The following GALNTL6 variants were observed in gnomAD, a reference collection of about 807,000 sequenced individuals.
The protein encoded by GALNTL6 is polypeptide N-acetylgalactosaminyltransferase-like 6.
In GALNTL6, 46 loss-of-function variants were observed where a neutral mutation model predicts 73.7. That is an observed-to-expected ratio of 0.62 (90% CI 0.49 to 0.80). The LOEUF (loss-of-function observed/expected upper bound fraction) is 0.80. Ranked by LOEUF, GALNTL6 falls within the 30% of genes least tolerant of loss-of-function variation. The pLI, the probability that GALNTL6 is intolerant of heterozygous loss-of-function variation, is 0.00. For synonymous variants in GALNTL6, 259 were observed against 263.7 expected (o/e 0.98, Z 0.17); for missense variants, 604 against 755.0 (o/e 0.80, Z 2.34).
intron 5 of GALNTL6, among the ~76,000 whole-genome samples, chr4:172,805,497 T>C (rs1412582050): frequency 6.6e-6 from 1 of 152,166 alleles, no homozygotes; most frequent in Admixed American, 6.5e-5. Context: ...TTTTTCCATA[T>C]CATCAGGATA....
intron 2 of GALNTL6, among the ~76,000 whole-genome samples, chr4:172,053,856 C>T (rs897447124): frequency 6.6e-6 from 1 of 151,978 alleles, no homozygotes; most frequent in Non-Finnish European, 1.5e-5. Flanking sequence ...TAAATTTTAT[C>T]TTTTGAAGTT....
intron 5 of GALNTL6, among the ~76,000 whole-genome samples, chr4:172,438,265 C>G (rs1731707770): frequency 6.6e-6 from 1 of 152,210 alleles, no homozygotes; most frequent in East Asian, 1.9e-4. Flanking sequence ...GACTTCCACT[C>G]ACCTTCAGGC....
At chr4:172,764,784 G>T (rs1450143313) in intron 5 of GALNTL6, among the ~76,000 whole-genome samples, 2 of 152,048 alleles carry the variant, frequency 1.3e-5, no homozygotes, top group Non-Finnish European at 2.9e-5. Flanking sequence ...TATCTTATAT[G>T]TACTCCTGTA....
chr4:172,295,627 T>C (rs551275963), intron 3 of GALNTL6, among the ~76,000 whole-genome samples: 231 of 150,540 alleles, frequency 1.5e-3, no homozygotes, highest in African/African-American at 5.3e-3. Flanking sequence ...GCTATGTTCT[T>C]ATTCATTAAT....
chr4:172,825,078 T>TTTTCTTTCTTTCTTTCTTTC (rs70944424), intron 7 of GALNTL6, among the ~76,000 whole-genome samples: 13 of 105,636 alleles, frequency 1.2e-4, no homozygotes, highest in Admixed American at 4.2e-4. Flanking sequence ...TTTGGTTATC[T>TTTTCTTTCTTTCTTTCTTTC]TTTCTTTCTT....
chr4:171,931,720 TAAG>T (rs994462620), intron 2 of GALNTL6, among the ~76,000 whole-genome samples: 2 of 152,202 alleles, frequency 1.3e-5, no homozygotes, highest in African/African-American at 4.8e-5. Flanking sequence ...ACATGATAGT[TAAG>T]AGGATGAAAA....
chr4:172,101,934 G>A (rs888378336), intron 2 of GALNTL6, among the ~76,000 whole-genome samples: 1 of 151,916 alleles, frequency 6.6e-6, no homozygotes, highest in Admixed American at 6.6e-5. Context: ...AAAAAGAATA[G>A]ACAATACTGA....
intron 5 of GALNTL6, among the ~76,000 whole-genome samples, chr4:172,542,929 A>G (rs927033154): frequency 1.4e-5 from 2 of 143,600 alleles, no homozygotes; most frequent in Non-Finnish European, 1.5e-5. Flanking sequence ...TGTCTCTACT[A>G]AAAAAAAAAA....
intron 3 of GALNTL6, among the ~76,000 whole-genome samples, chr4:172,303,261 G>T (rs1052845504): frequency 6.6e-6 from 1 of 152,124 alleles, no homozygotes; most frequent in Non-Finnish European, 1.5e-5. Flanking sequence ...GCCTCCCAAA[G>T]TGCTGGGATT....
chr4:172,906,067 C>CA (rs1429511953), intron 8 of GALNTL6, among the ~76,000 whole-genome samples: 2 of 152,208 alleles, frequency 1.3e-5, no homozygotes, highest in African/African-American at 4.8e-5. Flanking sequence ...TTGCTTGAAA[C>CA]AATAGCAACA....
intron 2 of GALNTL6, among the ~76,000 whole-genome samples, chr4:171,829,885 A>C (rs1734921747): frequency 6.6e-6 from 1 of 152,076 alleles, no homozygotes; most frequent in East Asian, 1.9e-4. Flanking sequence ...AAATGTAATT[A>C]ATTTGAAGAT....
chr4:172,501,028 G>A lies in GALNTL6; in HGVS notation c.553+152339G>A, dbSNP rs536410670. On this transcript the variant is annotated intron_variant, in intron 5 of 12. Coordinates refer to ENST00000506823, the MANE Select transcript of GALNTL6 (RefSeq NM_001034845.3). The stretch of plus-strand genomic sequence containing the variant: ...TGAAACTGTCCTATATCTTGACTGT[G>A]ACAGTAGTCACATGACTCTACACAT... Among the ~76,000 whole-genome samples, 4 of 152,314 alleles carry A rather than the reference G, an allele frequency of 2.6e-5. No homozygotes were observed. The East Asian group carries it at 7.7e-4, about 29-fold the overall frequency.
At chr4:172,405,572 A>C (rs1744212151) in intron 5 of GALNTL6, among the ~76,000 whole-genome samples, 2 of 151,244 alleles carry the variant, frequency 1.3e-5, no homozygotes, top group Admixed American at 6.6e-5. Flanking sequence ...CCTAATGTCT[A>C]GGGTTTTTTA....
intron 2 of GALNTL6, among the ~76,000 whole-genome samples, chr4:172,094,566 A>T (rs1197191735): frequency 6.6e-6 from 1 of 152,106 alleles, no homozygotes; most frequent in African/African-American, 2.4e-5. Flanking sequence ...ATTCTTCCAA[A>T]TAAGTTTGAG....
intron 5 of GALNTL6, among the ~76,000 whole-genome samples, chr4:172,683,063 GT>G (rs1732717533): frequency 1.3e-5 from 2 of 152,280 alleles, no homozygotes; most frequent in Non-Finnish European, 2.9e-5. Flanking sequence ...ACACGAACCT[GT>G]TTCCTGCGTT....
chr4:172,448,649 C>T (rs998078168), intron 5 of GALNTL6, among the ~76,000 whole-genome samples: 10 of 152,174 alleles, frequency 6.6e-5, no homozygotes, highest in Non-Finnish European at 8.8e-5. Context: ...ATATTATTGA[C>T]AACGCTTTTT....
At chr4:172,499,957 C>A (rs902043208) in intron 5 of GALNTL6, among the ~76,000 whole-genome samples, 10 of 152,028 alleles carry the variant, frequency 6.6e-5, no homozygotes, top group Admixed American at 5.9e-4. Flanking sequence ...ATAATTCTTA[C>A]CTCTCTTACA....
intron 5 of GALNTL6, among the ~76,000 whole-genome samples, chr4:172,613,541 G>C (rs1018780103): frequency 6.6e-6 from 1 of 151,818 alleles, no homozygotes; most frequent in Admixed American, 6.6e-5. Flanking sequence ...ATTTTGAAGG[G>C]AAGCATAAGA....
At chr4:172,991,442 AGGCTGCAG>A in intron 10 of GALNTL6, among the ~76,000 whole-genome samples, 1 of 152,036 alleles carries the variant, frequency 6.6e-6, no homozygotes, top group East Asian at 1.9e-4. Context: ...TCTGTCACCC[AGGCTGCAG>A]TGCAGTGGCA....
Sources: gnomAD v4.1 joint callset for allele counts (sites outside exome capture counted in the v4.1 genomes callset) on GRCh38, gnomAD v4.1.1 for gene constraint, MANE v1.5 for transcripts, NCBI Gene and HGNC (gene_info 2026-07-23, HGNC 2026-07-21) for gene names.